The following GC variants were observed in gnomAD, a reference collection of about 807,000 sequenced individuals.
GC encodes the protein vitamin D-binding protein.
Under a neutral mutation model 56.7 loss-of-function variants are expected in GC, and 43 were observed. That is an observed-to-expected ratio of 0.76 (90% confidence interval 0.59 to 0.98). The LOEUF (loss-of-function observed/expected upper bound fraction) is 0.98. Ranked by LOEUF, GC falls within the 50% of genes least tolerant of loss-of-function variation. The pLI is 0.00. For missense variants in GC, 529 were observed against 545.9 expected, an observed-to-expected ratio of 0.97 and a Z score of 0.31; for synonymous variants, 216 against 202.7, an observed-to-expected ratio of 1.07 and a Z score of -0.56.
upstream of GC, among the ~76,000 whole-genome samples, chr4:71,805,106 T>TATG (rs1743334266): frequency 1.3e-5 from 2 of 152,232 alleles, no homozygotes; most frequent in East Asian, 3.9e-4. Flanking sequence ...GCTCTAGGTC[T>TATG]AGCATGCCTT....
chr4:71,784,624 T>C (rs1742788509), upstream of GC, among the ~76,000 whole-genome samples: 1 of 151,820 alleles, frequency 6.6e-6, no homozygotes, highest in Non-Finnish European at 1.5e-5. Context: ...TTATTTTAGA[T>C]GATGGCATAG....
intron 11 of GC, among the ~76,000 whole-genome samples, chr4:71,746,602 T>C (rs1741373645): frequency 6.6e-6 from 1 of 151,520 alleles, no homozygotes; most frequent in South Asian, 2.1e-4. Context: ...TGATGAGAAA[T>C]AGGGCAAGCG....
rs1305870801 is a variant in GC at position 71,769,215 on chromosome 4, C to G, written c.128+116G>C. ...GCCTACCTTGGGCCTGGGGCTCTGTCCTCTTACTCTTGGCAAGGATTAAGG... is the reference window on the plus strand; with the variant it reads ...GCCTACCTTGGGCCTGGGGCTCTGTGCTCTTACTCTTGGCAAGGATTAAGG... On this transcript the variant is annotated intron_variant, in intron 2 of 12. Transcript: ENST00000273951. The G allele has an allele frequency of 5.5e-6, 4 of 730,730 alleles. No individual in the cohort carries two copies. In the East Asian group the frequency reaches 1.1e-4, roughly 20 times the overall value. 45.3% of individuals were successfully genotyped at this position (730,730 alleles called of 1,614,324 possible). A position where few individuals can be genotyped will look rare whatever the true frequency, so the allele number is the denominator to read the frequency against.
chr4:71,756,619 G>C, intron 8 of GC, 93 bp downstream of exon 8: 1 of 768,050 alleles, frequency 1.3e-6, no homozygotes. Flanking sequence ...TTTGAAATGA[G>C]TGATAGCATA....
chr4:71,751,906 A>G (rs1249655629), intron 11 of GC, among the ~76,000 whole-genome samples: 1 of 152,186 alleles, frequency 6.6e-6, no homozygotes, highest in African/African-American at 2.4e-5. Context: ...TAACTCTTAT[A>G]GTAATGAAAC....
chr4:71,758,467 A>G (rs1741858182), intron 6 of GC, among the ~76,000 whole-genome samples: 1 of 152,216 alleles, frequency 6.6e-6, no homozygotes, highest in Non-Finnish European at 1.5e-5. Context: ...ATCAATGAAG[A>G]AGTCACAAAT....
upstream of GC, chr4:71,804,161 C>G: frequency 1.7e-6 from 1 of 591,030 alleles, no homozygotes; most frequent in Non-Finnish European, 3.0e-6. Context: ...AAGGAATAGT[C>G]AGACACAGGT....
Position 71,752,354 on chromosome 4 carries a change from A to C in GC, c.1395+164T>G, listed in dbSNP as rs187286429. Among the ~76,000 whole-genome samples the C allele has an allele frequency of 3.3e-5, 5 of 152,348 alleles. No individual in the cohort carries two copies. The East Asian group carries it at 9.6e-4, about 29-fold the overall frequency. On this transcript the variant is annotated intron_variant, in intron 11 of 12. Transcript: ENST00000273951. Reference sequence around the variant, plus strand: ...TTTTAAATGAGCATAGCATGAAATCAGTTATGTTTCTTACTTTCATTGCAA... The same window carrying C: ...TTTTAAATGAGCATAGCATGAAATCCGTTATGTTTCTTACTTTCATTGCAA...
chr4:71,765,787 T>G, intron 3 of GC, 144 bp from the exon 4 acceptor site: 1 of 613,694 alleles, frequency 1.6e-6, no homozygotes. Flanking sequence ...ATGAAGTGAT[T>G]TTTTAACATG....
chr4:71,776,654 A>C (rs1388096145), intron 1 of GC, among the ~76,000 whole-genome samples: 1 of 151,980 alleles, frequency 6.6e-6, no homozygotes, highest in African/African-American at 2.4e-5. Flanking sequence ...CAAATGCCTC[A>C]GAAAAAATGA....
chr4:71,775,265 G>A (rs1408836112), intron 1 of GC, among the ~76,000 whole-genome samples: 4 of 151,824 alleles, frequency 2.6e-5, no homozygotes, highest in Non-Finnish European at 4.4e-5. Context: ...CAAAGATCAT[G>A]TCTAAATTTT....
chr4:71,758,034 T>G lies in GC; in HGVS notation c.831+8A>C, dbSNP rs369309193. 4 of 1,611,766 alleles carry G rather than the reference T, an allele frequency of 2.5e-6. No homozygotes were observed. Among genetic ancestry groups the G allele is most frequent in the Non-Finnish European group, 3.4e-6 (4 of 1,178,684 alleles). On this transcript the variant is annotated splice_region_variant and intron_variant, in intron 7 of 12. Transcript: ENST00000273951. ...ACATGGTGATAATGATAATAAAGCT[T>G]GTCTTACCTCTTTGGCCATGCAATC...
chr4:71,795,292 A>G (rs1442464076), intron 1 of GC, among the ~76,000 whole-genome samples: 1 of 152,100 alleles, frequency 6.6e-6, no homozygotes, highest in Non-Finnish European at 1.5e-5. Flanking sequence ...TGTGGGAGTC[A>G]AAGTCTCTTT....
chr4:71,742,798 C>T (rs1372036661), intron 12 of GC, among the ~76,000 whole-genome samples: 1 of 152,130 alleles, frequency 6.6e-6, no homozygotes, highest in African/African-American at 2.4e-5. Flanking sequence ...CATGGTGAAA[C>T]CCCGTCTCTA....
intron 1 of GC, among the ~76,000 whole-genome samples, chr4:71,774,813 A>C (rs1353086954): frequency 6.6e-6 from 1 of 151,856 alleles, no homozygotes; most frequent in African/African-American, 2.4e-5. Context: ...CTCATATTTA[A>C]ATTATTTCTA....
chr4:71,742,568 C>T (rs948496273), intron 12 of GC, among the ~76,000 whole-genome samples: 1 of 152,182 alleles, frequency 6.6e-6, no homozygotes, highest in African/African-American at 2.4e-5. Context: ...TATTTTCACC[C>T]AATCTGATTC....
intron 6 of GC, among the ~76,000 whole-genome samples, chr4:71,761,389 T>C (rs927972083): frequency 6.6e-6 from 1 of 152,170 alleles, no homozygotes; most frequent in Admixed American, 6.5e-5. Flanking sequence ...TGAGTGCTGT[T>C]AAAGGCATTC....
Position 71,795,048 on chromosome 4 carries a change from T to C in GC, c.21+8878A>G, listed in dbSNP as rs144370425. On this transcript the variant is annotated intron_variant, in intron 1 of 13. Transcript: ENST00000504199. ...TAGTTTGTTGTGATTTCTGTTCTTT[T>C]ACATTTGCTAGGAAGTGTTTTACTT... 2.3e-3 allele frequency among the ~76,000 whole-genome samples: 352 copies of C among 152,350 alleles called. 1 individual carries two copies. Among genetic ancestry groups the C allele is most frequent in the African/African-American group, 8.1e-3 (338 of 41,580 alleles).
chr4:71,742,781 T>A (rs1278006746), intron 12 of GC, among the ~76,000 whole-genome samples: 1 of 152,212 alleles, frequency 6.6e-6, no homozygotes, highest in African/African-American at 2.4e-5. Context: ...GAGACCATCC[T>A]GGCTAACATG....
Sources: gnomAD v4.1 joint callset for allele counts (sites outside exome capture counted in the v4.1 genomes callset) on GRCh38, gnomAD v4.1.1 for gene constraint, MANE v1.5 for transcripts, NCBI Gene and HGNC (gene_info 2026-07-23, HGNC 2026-07-21) for gene names.